The following ACYP2 variants were observed in gnomAD, a reference collection of about 807,000 sequenced individuals.
ACYP2 encodes the protein acylphosphatase 2.
In ACYP2, 12 loss-of-function variants were observed where a neutral mutation model predicts 11.2. The ratio of observed to expected loss-of-function variants is 1.08; its 90% CI spans 0.69 to 1.74. The LOEUF (loss-of-function observed/expected upper bound fraction) is 1.74, where lower values mean the gene tolerates loss of function less well. ACYP2 is among the 40% of genes most tolerant of loss of function. ACYP2 has a pLI of 0.00. For synonymous variants in ACYP2, 43 were observed against 32.2 expected, an observed-to-expected ratio of 1.33 and a Z score of -1.13; for missense variants, 134 against 101.9, an observed-to-expected ratio of 1.31 and a Z score of -1.35.
chr2:54,083,507 G>C (rs1238646609), intron 4 of ACYP2, among the ~76,000 whole-genome samples: 2 of 152,156 alleles, frequency 1.3e-5, no homozygotes, highest in Non-Finnish European at 2.9e-5. Flanking sequence ...GAGAAATCAA[G>C]GTTCTAAGTT....
At chr2:54,123,174 G>A (rs570815166) in intron 4 of ACYP2, 1 of 393,346 alleles carries the variant, frequency 2.5e-6, no homozygotes, top group South Asian at 1.4e-4. Context: ...AAGTAGCCAG[G>A]AATGACACAC....
At chr2:54,267,390 A>G (rs1000769828) in intron 6 of ACYP2, 10 of 1,536,174 alleles carry the variant, frequency 6.5e-6, no homozygotes, top group Middle Eastern at 1.7e-4. Flanking sequence ...CTTTCAAATG[A>G]GAAGGGCTTA....
intron 6 of ACYP2, among the ~76,000 whole-genome samples, chr2:54,262,374 C>T (rs1022181103): frequency 1.9e-4 from 29 of 152,250 alleles, no homozygotes; most frequent in Admixed American, 5.9e-4. Context: ...CTAAGTAATA[C>T]GTTTTAAATG....
At chr2:54,073,085 T>C (rs1190119356) in intron 4 of ACYP2, among the ~76,000 whole-genome samples, 1 of 152,202 alleles carries the variant, frequency 6.6e-6, no homozygotes, top group Non-Finnish European at 1.5e-5. Context: ...TAAACTCTTA[T>C]ATTTACAGTC....
intron 4 of ACYP2, among the ~76,000 whole-genome samples, chr2:54,130,095 T>G (rs1378624584): frequency 6.6e-6 from 1 of 152,162 alleles, no homozygotes; most frequent in African/African-American, 2.4e-5. Flanking sequence ...CCTGTTCTTA[T>G]GGAACTGACA....
Position 54,256,346 on chromosome 2 carries a change from T to C in ACYP2, c.405-48342T>C, listed in dbSNP as rs138134958. On this transcript the variant is annotated intron_variant, in intron 6 of 6. Coordinates refer to ENST00000607452, the MANE Select transcript of ACYP2 (RefSeq NM_001320586.2). The stretch of plus-strand genomic sequence containing the variant: ...GTCTGTGGTGGTGTCTTTACGTCTT[T>C]GTTATTTTAGCCATCGTGCTGGATG... 666 of 612,800 alleles carry C rather than the reference T, an allele frequency of 1.1e-3. 6 individuals carry two copies. In the African/African-American group the frequency reaches 0.011, roughly 10 times the overall value. The allele number at this position is 612,800 out of a possible 1,614,324, so 38.0% of individuals were successfully genotyped here.
chr2:54,102,485 G>A (rs1678947496), intron 4 of ACYP2, among the ~76,000 whole-genome samples: 1 of 151,850 alleles, frequency 6.6e-6, no homozygotes, highest in Non-Finnish European at 1.5e-5. Context: ...TTTCTAAGGA[G>A]GGAGGCATGG....
At chr2:54,286,589 G>C (rs1293480833) in intron 6 of ACYP2, among the ~76,000 whole-genome samples, 1 of 152,008 alleles carries the variant, frequency 6.6e-6, no homozygotes, top group Non-Finnish European at 1.5e-5. Context: ...TATAAAATTG[G>C]TAGAAAAGAT....
intron 6 of ACYP2, among the ~76,000 whole-genome samples, chr2:54,214,959 C>T (rs960808441): frequency 3.9e-5 from 6 of 152,102 alleles, no homozygotes; most frequent in African/African-American, 1.4e-4. Flanking sequence ...TTGTAGAGAT[C>T]TTTCACCTTC....
At chr2:53,982,343 T>G (rs534065846) in intron 2 of ACYP2, among the ~76,000 whole-genome samples, 1 of 152,348 alleles carries the variant, frequency 6.6e-6, no homozygotes, top group Admixed American at 6.5e-5. Flanking sequence ...ATAAAAGGTA[T>G]AATATATCAA....
chr2:54,168,349 C>T (rs768553627), intron 6 of ACYP2, among the ~76,000 whole-genome samples: 21 of 152,102 alleles, frequency 1.4e-4, no homozygotes, highest in Non-Finnish European at 2.8e-4. Flanking sequence ...ATCACTGAAA[C>T]CGGGAAGCAG....
chr2:54,002,580 A>AGAGTGAGACTTCGT (rs1672853860), intron 2 of ACYP2, among the ~76,000 whole-genome samples: 4 of 151,684 alleles, frequency 2.6e-5, no homozygotes, highest in African/African-American at 9.7e-5. Context: ...CTTGCACTCA[A>AGAGTGAGACTTCGT]CTGATTCACC....
chr2:54,048,890 C>T (rs1675672370), intron 2 of ACYP2, among the ~76,000 whole-genome samples: 1 of 152,130 alleles, frequency 6.6e-6, no homozygotes, highest in Admixed American at 6.6e-5. Context: ...AGGTGCACCT[C>T]AGGGCTCAGC....
intron 6 of ACYP2, among the ~76,000 whole-genome samples, chr2:54,203,331 T>C (rs1684934219): frequency 2.0e-5 from 3 of 152,250 alleles, no homozygotes; most frequent in Admixed American, 2.0e-4. Flanking sequence ...TGCATACTTG[T>C]TGAACCTGTT....
At chr2:54,203,572 A>G (rs1047798290) in intron 6 of ACYP2, among the ~76,000 whole-genome samples, 1 of 152,170 alleles carries the variant, frequency 6.6e-6, no homozygotes, top group Non-Finnish European at 1.5e-5. Context: ...TTGTTCTTTT[A>G]TAATCATGTT....
Position 54,285,807 on chromosome 2 carries a change from A to G in ACYP2, c.405-18881A>G, listed in dbSNP as rs183316788. The stretch of plus-strand genomic sequence containing the variant: ...ATCTTCCTCCTCTTTGCCTTCATCT[A>G]TCCTGCTGTCTGGAACACAGATGTG... On this transcript the variant is annotated intron_variant, in intron 6 of 6. Coordinates refer to ENST00000607452, the MANE Select transcript of ACYP2 (RefSeq NM_001320586.2). Among the ~76,000 whole-genome samples the G allele has an allele frequency of 6.8e-4, 103 of 152,324 alleles. 1 individual carries two copies. Among genetic ancestry groups the G allele is most frequent in the African/African-American group, 2.4e-3 (101 of 41,570 alleles).
chr2:54,054,986 A>G (rs551637549), intron 3 of ACYP2, among the ~76,000 whole-genome samples: 15 of 152,284 alleles, frequency 9.9e-5, no homozygotes, highest in African/African-American at 3.4e-4. Flanking sequence ...TTTACTTACT[A>G]ACTTTTCCTC....
chr2:54,130,732 A>G (rs992049915), intron 4 of ACYP2, among the ~76,000 whole-genome samples: 1 of 152,198 alleles, frequency 6.6e-6, no homozygotes, highest in Non-Finnish European at 1.5e-5. Flanking sequence ...AATTTAGAAA[A>G]TGAGTACAAT....
At chr2:54,015,020 A>G (rs761546815) in intron 2 of ACYP2, among the ~76,000 whole-genome samples, 1 of 152,166 alleles carries the variant, frequency 6.6e-6, no homozygotes, top group Non-Finnish European at 1.5e-5. Flanking sequence ...TGGCTACTCA[A>G]AGTGGGGTCT....
Sources: allele counts gnomAD v4.1 joint callset (sites outside exome capture counted in the v4.1 genomes callset), GRCh38; gene constraint gnomAD v4.1.1; transcripts MANE v1.5; gene names NCBI Gene and HGNC (gene_info 2026-07-23, HGNC 2026-07-21).